GRID1: variants seen among roughly 807,000 people sequenced by gnomAD.
GRID1 encodes glutamate ionotropic receptor delta type subunit 1.
Under a neutral mutation model 98.0 loss-of-function variants are expected in GRID1, and 28 were observed. That is an observed-to-expected ratio of 0.29 (90% CI 0.21 to 0.39). The LOEUF (loss-of-function observed/expected upper bound fraction) is 0.39. Ranked by LOEUF, GRID1 falls within the 10% of genes least tolerant of loss-of-function variation. The pLI, the probability that GRID1 is intolerant of heterozygous loss-of-function variation, is 1.00. For missense variants in GRID1, 1,111 were observed against 1,340.5 expected (o/e 0.83, Z 2.67); for synonymous variants, 553 against 538.5 (o/e 1.03, Z -0.37).
Position 85,836,309 on chromosome 10 carries a change from T to C in GRID1, c.1233+18187A>G, listed in dbSNP as rs191969101. Among the ~76,000 whole-genome samples the C allele has an allele frequency of 2.6e-3, 389 of 151,504 alleles. 2 individuals are homozygous for C. Among genetic ancestry groups the C allele is most frequent in the African/African-American group, 9.1e-3 (376 of 41,244 alleles). On this transcript the variant is annotated intron_variant, in intron 8 of 15. Coordinates refer to ENST00000327946, the MANE Select transcript of GRID1 (RefSeq NM_017551.3). Reference sequence around the variant, plus strand: ...AAGTGGAATAGCTCCCATGGAGGGATGGAAATGACTGGTATGCTTTTAACA... The same window carrying C: ...AAGTGGAATAGCTCCCATGGAGGGACGGAAATGACTGGTATGCTTTTAACA...
chr10:85,857,674 G>A (rs574866047), intron 6 of GRID1, among the ~76,000 whole-genome samples: 2 of 152,242 alleles, frequency 1.3e-5, no homozygotes, highest in African/African-American at 2.4e-5. Flanking sequence ...TTCTCTGAAC[G>A]CCTAAGCAGC....
intron 8 of GRID1, among the ~76,000 whole-genome samples, chr10:85,768,741 C>T (rs1000544478): frequency 6.6e-6 from 1 of 152,216 alleles, no homozygotes; most frequent in African/African-American, 2.4e-5. Context: ...TAAAGCACTG[C>T]AGTAACAAGG....
At chr10:86,292,021 T>C (rs1268372806) in intron 2 of GRID1, among the ~76,000 whole-genome samples, 1 of 152,192 alleles carries the variant, frequency 6.6e-6, no homozygotes, top group Non-Finnish European at 1.5e-5. Context: ...ACCTGGAGTC[T>C]GGGGCTGCCA....
At chr10:86,330,073 T>C (rs916920651) in intron 2 of GRID1, among the ~76,000 whole-genome samples, 1 of 152,006 alleles carries the variant, frequency 6.6e-6, no homozygotes, top group African/African-American at 2.4e-5. Flanking sequence ...CCCATCCCAG[T>C]AGCGTCAGGC....
chr10:86,267,874 T>A (rs758969836), intron 2 of GRID1, among the ~76,000 whole-genome samples: 3 of 152,200 alleles, frequency 2.0e-5, no homozygotes, highest in Non-Finnish European at 4.4e-5. Flanking sequence ...TCCCTCAAAC[T>A]GCAGAGGCCC....
chr10:85,909,855 T>C (rs1173091613), intron 5 of GRID1, among the ~76,000 whole-genome samples: 2 of 152,202 alleles, frequency 1.3e-5, no homozygotes, highest in East Asian at 1.9e-4. Context: ...CCTGGGTATA[T>C]ACATATGCCA....
Position 85,602,258 on chromosome 10 carries a change from G to A in GRID1, c.*15C>T. On this transcript the variant is annotated 3_prime_UTR_variant, in exon 16 of 16. Transcript: ENST00000327946. ...CGGGTGGGTGGGAGGGTGGGCAGGAGGGCAGGCGGCGCAGTCAGATGGAGG... is the reference window on the plus strand; with the variant it reads ...CGGGTGGGTGGGAGGGTGGGCAGGAAGGCAGGCGGCGCAGTCAGATGGAGG... 1.4e-6 allele frequency: 2 copies of A among 1,468,526 alleles called. No homozygotes were observed. The highest frequency in any genetic ancestry group is 2.5e-4 in the Middle Eastern group (1 of 3,972). The allele number at this position is 1,468,526 out of a possible 1,614,324, so 91.0% of individuals were successfully genotyped here. A position where few individuals can be genotyped will look rare whatever the true frequency, so the allele number is the denominator to read the frequency against.
At chr10:86,281,790 T>A (rs139378455) in intron 2 of GRID1, among the ~76,000 whole-genome samples, 1 of 152,164 alleles carries the variant, frequency 6.6e-6, no homozygotes, top group Non-Finnish European at 1.5e-5. Flanking sequence ...GATCAGAGCT[T>A]GAGCACACTT....
chr10:86,017,097 C>T (rs1303795770), intron 4 of GRID1, among the ~76,000 whole-genome samples: 2 of 152,186 alleles, frequency 1.3e-5, no homozygotes, highest in African/African-American at 4.8e-5. Context: ...AGTATTGGAC[C>T]TGCTGCTAAG....
At chr10:85,715,533 T>C (rs1841628761) in intron 12 of GRID1, among the ~76,000 whole-genome samples, 1 of 150,852 alleles carries the variant, frequency 6.6e-6, no homozygotes, top group South Asian at 2.1e-4. Context: ...AATAGTTTAA[T>C]TTAAAAATGG....
chr10:85,853,222 G>A (rs561876000), intron 8 of GRID1, among the ~76,000 whole-genome samples: 1 of 152,228 alleles, frequency 6.6e-6, no homozygotes, highest in South Asian at 2.1e-4. Context: ...GCCCTCAGGA[G>A]CAAAACCAAA....
rs1283443770 is a variant in GRID1, at chr10:86,206,895, C to T, written c.236-247G>A. On this transcript the variant is annotated intron_variant, in intron 2 of 15. Coordinates refer to ENST00000327946, the MANE Select transcript of GRID1 (RefSeq NM_017551.3). The surrounding 1 kb of genome is among the most constrained non-coding windows in gnomAD (Gnocchi z 4.1). ...TAACATGAGAAAATAGAAGTCAAAA[C>T]GGGCAAAACCATTTGCCCTAGGCTA... Among the ~76,000 whole-genome samples, 1 of 152,214 alleles carries T rather than the reference C, an allele frequency of 6.6e-6. No homozygotes were observed. The highest frequency in any genetic ancestry group is 1.5e-5 in the Non-Finnish European group (1 of 68,036).
At chr10:85,615,379 C>G (rs1482362285) in intron 14 of GRID1, among the ~76,000 whole-genome samples, 1 of 152,222 alleles carries the variant, frequency 6.6e-6, no homozygotes, top group East Asian at 1.9e-4. Context: ...TGAGCAGACC[C>G]TTCAGGACAG....
intron 12 of GRID1, among the ~76,000 whole-genome samples, chr10:85,708,130 A>AC (rs1402115799): frequency 9.1e-6 from 1 of 110,086 alleles, no homozygotes; most frequent in Non-Finnish European, 1.8e-5. Context: ...AAAAAAAAAA[A>AC]ACACAAGATT....
chr10:85,948,472 C>T (rs975362664), intron 4 of GRID1, among the ~76,000 whole-genome samples: 1 of 152,194 alleles, frequency 6.6e-6, no homozygotes, highest in African/African-American at 2.4e-5. Context: ...CTGCCCTACA[C>T]ACATCTCACT....
intron 8 of GRID1, among the ~76,000 whole-genome samples, chr10:85,735,935 G>A (rs1225087608): frequency 6.9e-6 from 1 of 144,936 alleles, no homozygotes. Flanking sequence ...AGGAGAGAAG[G>A]CAGGAGGGAG....
chr10:85,636,159 G>A (rs866947071), intron 13 of GRID1, among the ~76,000 whole-genome samples: 1 of 152,174 alleles, frequency 6.6e-6, no homozygotes. Context: ...TTGACATAAG[G>A]CCCCAGTGGA....
At chr10:86,108,681 C>T (rs1400590621) in intron 4 of GRID1, among the ~76,000 whole-genome samples, 3 of 152,172 alleles carry the variant, frequency 2.0e-5, no homozygotes, top group Admixed American at 2.0e-4. Flanking sequence ...TTTGCATTTC[C>T]TTATCTGCCT....
rs963860020 is a variant in GRID1, at chr10:85,992,687, C to T, written c.727-76448G>A. 5.3e-5 allele frequency among the ~76,000 whole-genome samples: 8 copies of T among 152,170 alleles called. No individual in the cohort carries two copies. The East Asian group carries it at 7.7e-4, about 15-fold the overall frequency. On this transcript the variant is annotated intron_variant, in intron 4 of 15. Transcript: ENST00000327946. ...GAAAGAGGCCAGGCACAGTGGCTCA[C>T]GTTTGTAATTCTGGTGCTTTGGGAA...
Sources: allele counts gnomAD v4.1 joint callset (sites outside exome capture counted in the v4.1 genomes callset), GRCh38; gene constraint gnomAD v4.1.1; non-coding constraint Gnocchi (gnomAD v3.1); transcripts MANE v1.5; gene names NCBI Gene and HGNC (gene_info 2026-07-23, HGNC 2026-07-21).